The following ZC3H18 variants were observed in gnomAD, a reference collection of about 807,000 sequenced individuals.
ZC3H18 encodes the protein zinc finger CCCH domain-containing protein 18.
ZC3H18 carries 8 observed loss-of-function variants against 106.1 expected under a neutral mutation model. That is an observed-to-expected ratio of 0.08 (90% CI 0.04 to 0.14). ZC3H18 has a LOEUF of 0.14. ZC3H18 is among the 10% of genes least tolerant of loss of function. The probability of loss-of-function intolerance (pLI) is 1.00; values close to 1 mark genes in which losing one functional copy is unlikely to be tolerated. For synonymous variants in ZC3H18, 635 were observed against 522.1 expected (o/e 1.22, Z -2.95); for missense variants, 1,318 against 1,278.4 (o/e 1.03, Z -0.47).
intron 1 of ZC3H18, among the ~76,000 whole-genome samples, chr16:88,574,124 G>A (rs928466593): frequency 4.6e-5 from 7 of 151,878 alleles, no homozygotes; most frequent in Admixed American, 3.3e-4. Context: ...ATCCACCCGC[G>A]TCAGTCTTCC....
chr16:88,624,035 A>G lies in ZC3H18; in HGVS notation c.1871A>G (p.Glu624Gly), dbSNP rs777953296. ...PHRPSIRTKG[E>G]PAPPPGKAGE... The stretch of plus-strand genomic sequence containing the variant: ...AGACCTTCCATCAGAACCAAGGGAG[A>G]GCCGGCCCCGCCGCCCGGGAAAGCA... Residue 624 changes from glutamate to glycine, a missense_variant, in exon 11 of 18, where the codon GAG becomes GGG. This residue lies in a region of ZC3H18 where 848 missense variants were observed against 821.7 expected (regional missense o/e 1.03). Coordinates refer to ENST00000301011, the MANE Select transcript of ZC3H18 (RefSeq NM_144604.4). The G allele has an allele frequency of 1.2e-6, 2 of 1,613,672 alleles. No homozygotes were observed. Among genetic ancestry groups the G allele is most frequent in the Non-Finnish European group, 1.7e-6 (2 of 1,179,906 alleles).
At chr16:88,596,526 G>A (rs1904447425) in intron 3 of ZC3H18, among the ~76,000 whole-genome samples, 1 of 152,186 alleles carries the variant, frequency 6.6e-6, no homozygotes, top group Admixed American at 6.5e-5. Flanking sequence ...TGTAATCCCA[G>A]CTACTCAGGA....
At position 88,622,187 on chromosome 16, in the gene ZC3H18, G is replaced by A. The variant is rs781424603; in HGVS notation, c.1476-10G>A. 1.9e-6 allele frequency: 3 copies of A among 1,605,362 alleles called. No individual in the cohort carries two copies. In the Admixed American group the frequency reaches 5.1e-5, roughly 27 times the overall value. ...TGGCCTGAGAGTTGCTAATGCCTCT[G>A]TAATTTCAGCCGCCAAGCTGAGCCA... On this transcript the variant is annotated splice_polypyrimidine_tract_variant and intron_variant, in intron 8 of 17. Coordinates refer to ENST00000301011, the MANE Select transcript of ZC3H18 (RefSeq NM_144604.4).
Position 88,577,429 on chromosome 16 carries a change from C to G in ZC3H18, c.306C>G (p.Asp102Glu). 2 of 1,606,328 alleles carry G rather than the reference C, an allele frequency of 1.2e-6. No homozygotes were observed. Among genetic ancestry groups the G allele is most frequent in the Non-Finnish European group, 1.7e-6 (2 of 1,175,406 alleles). Residue 102 changes from aspartate (D) to glutamate (E), a missense_variant, in exon 2 of 18, where the codon GAC becomes GAG. Transcript: ENST00000301011. ...PTSSPCEEEG[D>E]EGEEDRTSDL... ...GCTCCCCCTGCGAGGAGGAGGGGGA[C>G]GAAGGGGAGGAAGACCGGACAAGCG...
chr16:88,600,058 C>A (rs951706100), intron 6 of ZC3H18, 110 bp downstream of exon 6: 4 of 1,341,532 alleles, frequency 3.0e-6, no homozygotes, highest in Non-Finnish European at 4.1e-6. Flanking sequence ...GACCCAGCCC[C>A]ACTCACTGGA....
chr16:88,612,613 A>T (rs1392961339), intron 8 of ZC3H18, among the ~76,000 whole-genome samples: 2 of 146,200 alleles, frequency 1.4e-5, no homozygotes, highest in Non-Finnish European at 3.0e-5. Flanking sequence ...CAGGTGTTGG[A>T]GGCTGCCATG....
intron 5 of ZC3H18, 76 bp downstream of exon 5, chr16:88,598,788 C>A: frequency 7.1e-7 from 1 of 1,413,290 alleles, no homozygotes; most frequent in Non-Finnish European, 9.8e-7. Flanking sequence ...CTGGGATTTC[C>A]TCGGTCCAGA....
chr16:88,607,081 C>G (rs902580898), intron 6 of ZC3H18, among the ~76,000 whole-genome samples: 7 of 152,300 alleles, frequency 4.6e-5, no homozygotes, highest in East Asian at 1.9e-4. Context: ...CAGGCCCCCC[C>G]CAACCCTGTG....
chr16:88,584,574 C>T (rs1315550019), intron 2 of ZC3H18, among the ~76,000 whole-genome samples: 1 of 152,152 alleles, frequency 6.6e-6, no homozygotes, highest in Non-Finnish European at 1.5e-5. Flanking sequence ...GCCATAAGCC[C>T]AGCACACCAA....
chr16:88,622,142 C>T (rs1597356949), intron 8 of ZC3H18, 55 bp from the exon 9 acceptor site: 1 of 1,550,230 alleles, frequency 6.5e-7, no homozygotes, highest in Non-Finnish European at 8.8e-7. Flanking sequence ...TCACACCTGG[C>T]ATTGCTGTGA....
intron 2 of ZC3H18, among the ~76,000 whole-genome samples, chr16:88,577,955 G>A (rs551517604): frequency 9.8e-5 from 15 of 152,304 alleles, no homozygotes; most frequent in Admixed American, 2.6e-4. Flanking sequence ...CAGGGTTTCC[G>A]TGGCCCTCGG....
chr16:88,602,651 C>A (rs192743562), intron 6 of ZC3H18, among the ~76,000 whole-genome samples: 2 of 152,240 alleles, frequency 1.3e-5, no homozygotes, highest in East Asian at 3.9e-4. Context: ...CTGAAGATAC[C>A]ATGTTATTTT....
chr16:88,575,281 G>T (rs1228255859), intron 1 of ZC3H18, among the ~76,000 whole-genome samples: 1 of 152,042 alleles, frequency 6.6e-6, no homozygotes, highest in Admixed American at 6.6e-5. Context: ...TCTTTAGTGT[G>T]TATGGTTATT....
intron 2 of ZC3H18, among the ~76,000 whole-genome samples, chr16:88,580,321 C>T (rs1454343646): frequency 6.6e-6 from 1 of 152,024 alleles, no homozygotes; most frequent in Non-Finnish European, 1.5e-5. Flanking sequence ...ACATAGTGGG[C>T]AGCCAGTCAG....
intron 3 of ZC3H18, among the ~76,000 whole-genome samples, chr16:88,594,291 G>T (rs201150362): frequency 6.6e-6 from 1 of 151,802 alleles, no homozygotes; most frequent in East Asian, 2.0e-4. Context: ...TCTTGTTATT[G>T]TTAAATAATG....
In ZC3H18 at chr16:88,622,292, C is replaced by G; in HGVS notation, c.1571C>G (p.Ser524Cys). ...AAGGACCCTTGGCGCCGATCCAAGT[C>G]TCCCAAGAAGAAACTCGGGGTGTCG... ...EWKDPWRRSK[S>C]PKKKLGVSVS... Residue 524 changes from serine (S) to cysteine (C), a missense_variant, in exon 9 of 18, where the codon TCT (serine) becomes TGT (cysteine). This residue lies in a region of ZC3H18 where 848 missense variants were observed against 821.7 expected (regional missense o/e 1.03). Transcript: ENST00000301011. The G allele has an allele frequency of 6.2e-7, 1 of 1,614,152 alleles. No individual in the cohort carries two copies. Among genetic ancestry groups the G allele is most frequent in the Non-Finnish European group, 8.5e-7 (1 of 1,179,994 alleles).
At chr16:88,628,733 C>T in intron 15 of ZC3H18, 25 bp from the exon 16 acceptor site, 1 of 1,613,162 alleles carries the variant, frequency 6.2e-7, no homozygotes, top group East Asian at 2.2e-5. Flanking sequence ...CCCTGCTGTC[C>T]TCACTGGCCT....
intron 3 of ZC3H18, among the ~76,000 whole-genome samples, chr16:88,595,892 C>G (rs923071296): frequency 1.3e-5 from 2 of 152,176 alleles, no homozygotes; most frequent in Non-Finnish European, 2.9e-5. Context: ...TTCCCACATT[C>G]CCGACAGTTG....
In ZC3H18 at chr16:88,580,495, C is replaced by G. The variant is rs368716098; in HGVS notation, c.603+2769C>G. Among the ~76,000 whole-genome samples, 11 of 152,278 alleles carry G rather than the reference C, an allele frequency of 7.2e-5. No homozygotes were observed. The East Asian group carries it at 1.9e-3, about 27-fold the overall frequency. On this transcript the variant is annotated intron_variant, in intron 2 of 17. Transcript: ENST00000301011. ...TTGTGGGAAGGACCCAGCAGAGGTA[C>G]GCGCCACGCCATCCTGTGCATGAAG...
Sources: gnomAD v4.1 joint callset for allele counts (sites outside exome capture counted in the v4.1 genomes callset) on GRCh38, gnomAD v4.1.1 for gene constraint, gnomAD v4.1.1 regional missense constraint, MANE v1.5 for transcripts, NCBI Gene and HGNC (gene_info 2026-07-23, HGNC 2026-07-21) for gene names.